XG: variants seen among roughly 807,000 people sequenced by gnomAD.
The protein encoded by XG is Xg glycoprotein (Xg blood group).
XG carries 24 observed loss-of-function variants against 25.7 expected under a neutral mutation model. The observed-to-expected ratio is 0.93, with a 90% CI of 0.68 to 1.31. XG has a LOEUF of 1.31. XG is among the 40% of genes most tolerant of loss of function. The pLI is 0.00. For missense variants in XG, 181 were observed against 187.6 expected, an observed-to-expected ratio of 0.96 and a Z score of 0.21; for synonymous variants, 77 against 69.2, an observed-to-expected ratio of 1.11 and a Z score of -0.56.
At chrX:2,776,152 A>C (rs2050985179) in intron 3 of XG, among the ~76,000 whole-genome samples, 2 of 152,042 alleles carry the variant, frequency 1.3e-5, no homozygotes, top group African/African-American at 4.8e-5. Context: ...GAGACAAATT[A>C]AGAGTCCTTT....
At chrX:2,801,647 C>T (rs111704513) in intron 7 of XG, among the ~76,000 whole-genome samples, 27 of 111,869 alleles carry the variant, frequency 2.4e-4, no homozygotes, top group Non-Finnish European at 2.8e-4. Context: ...TAGTTCCTGC[C>T]GGCATTCACC....
chrX:2,760,579 C>CAAA (rs1164434566), intron 1 of XG, among the ~76,000 whole-genome samples: 2 of 116,878 alleles, frequency 1.7e-5, no homozygotes, highest in Non-Finnish European at 1.9e-5. Context: ...ACTAAAAATA[C>CAAA]AAAAAAAAAA....
chrX:2,782,055 T>TAGA lies in XG; in HGVS notation c.128-11_128-10insAGA. ...TTCTTTTCTAACAGTGCAATGTTGT[T>TAGA]TCCTCCACAGATATCTACCCAAAGC... On this transcript the variant is annotated splice_polypyrimidine_tract_variant and intron_variant, in intron 3 of 10. Transcript: ENST00000644266. 3 of 1,209,961 alleles carry TAGA rather than the reference T, an allele frequency of 2.5e-6. No individual in the cohort carries two copies. The highest frequency in any genetic ancestry group is 3.4e-6 in the Non-Finnish European group (3 of 894,085).
rs181984865 is a variant in XG, at chrX:2,787,809, G to A, written c.191-1835G>A. ...GTAATCCCAGCTACTTGGGAGGCTG[G>A]GGCCAGAGAATCGCTTGAACCCAGG... is the stretch of plus-strand genomic sequence containing the variant. On this transcript the variant is annotated intron_variant, in intron 4 of 10. Transcript: ENST00000644266. Among the ~76,000 whole-genome samples, 464 of 109,794 alleles carry A rather than the reference G, an allele frequency of 4.2e-3. 2 individuals are homozygous for A. Among genetic ancestry groups the A allele is most frequent in the African/African-American group, 0.015 (439 of 30,120 alleles).
At chrX:2,790,876 C>T (rs2086831143) in intron 5 of XG, among the ~76,000 whole-genome samples, 1 of 111,878 alleles carries the variant, frequency 8.9e-6, no homozygotes, top group South Asian at 3.8e-4. Context: ...GGTGAAAGAC[C>T]AATTGCTTTT....
chrX:2,757,366 G>C (rs1156348485), intron 1 of XG, among the ~76,000 whole-genome samples: 2 of 151,600 alleles, frequency 1.3e-5, no homozygotes, highest in Non-Finnish European at 2.9e-5. Flanking sequence ...TTTCCATTTA[G>C]GACTACAGGT....
At chrX:2,786,531 ATGCTGGGATTACAGG>A (rs2086786431) in intron 4 of XG, among the ~76,000 whole-genome samples, 1 of 109,727 alleles carries the variant, frequency 9.1e-6, no homozygotes, top group Admixed American at 9.9e-5. Flanking sequence ...GCCTCCCAAA[ATGCTGGGATTACAGG>A]TGTGAGCCAC....
intron 5 of XG, among the ~76,000 whole-genome samples, chrX:2,790,566 G>A (rs1395507734): frequency 9.0e-6 from 1 of 110,671 alleles, no homozygotes; most frequent in Non-Finnish European, 1.9e-5. Context: ...GGAGGCCGAG[G>A]TCTCCTCAGG....
chrX:2,795,628 GT>G (rs2147077749), intron 6 of XG, among the ~76,000 whole-genome samples: 1 of 109,920 alleles, frequency 9.1e-6, no homozygotes, highest in East Asian at 2.8e-4. Flanking sequence ...GTATATAAAT[GT>G]CTTTAAATAT....
intron 3 of XG, among the ~76,000 whole-genome samples, chrX:2,781,051 A>G (rs1231483127): frequency 2.6e-5 from 4 of 151,876 alleles, no homozygotes; most frequent in East Asian, 3.9e-4. Flanking sequence ...TTGGAAACTG[A>G]GAGTGGAAGT....
chrX:2,769,706 C>T (rs988190408), intron 1 of XG, among the ~76,000 whole-genome samples: 8 of 152,058 alleles, frequency 5.3e-5, no homozygotes, highest in African/African-American at 1.9e-4. Context: ...ATGATGTGTC[C>T]CAAAGATGTG....
chrX:2,783,383 A>C (rs1188492032), intron 4 of XG, among the ~76,000 whole-genome samples: 1 of 107,516 alleles, frequency 9.3e-6, no homozygotes, highest in Admixed American at 1.0e-4. Flanking sequence ...GAGAAAGAGA[A>C]AGAGAAAAGA....
intron 7 of XG, among the ~76,000 whole-genome samples, chrX:2,800,861 C>T (rs952567657): frequency 9.2e-5 from 10 of 108,433 alleles, no homozygotes; most frequent in South Asian, 8.3e-4. Context: ...TGGAAGTGTG[C>T]GCCTGTGGTC....
chrX:2,754,347 G>T (rs2050390885), intron 1 of XG, among the ~76,000 whole-genome samples: 1 of 152,108 alleles, frequency 6.6e-6, no homozygotes, highest in African/African-American at 2.4e-5. Flanking sequence ...CGATCCTCCT[G>T]CCTTGGCCTC....
chrX:2,812,920 G>A (rs1263186799), intron 10 of XG, among the ~76,000 whole-genome samples: 1 of 111,761 alleles, frequency 8.9e-6, no homozygotes, highest in Admixed American at 9.5e-5. Context: ...AAATGTAAGG[G>A]CGGGGTACAG....
intron 1 of XG, among the ~76,000 whole-genome samples, chrX:2,757,865 A>C (rs1202762790): frequency 6.7e-6 from 1 of 149,554 alleles, no homozygotes; most frequent in African/African-American, 2.5e-5. Flanking sequence ...CCAGCTATTC[A>C]GGAGGCTGAG....
intron 7 of XG, among the ~76,000 whole-genome samples, chrX:2,801,950 G>A (rs113692154): frequency 0.013 from 1,414 of 110,420 alleles, 22 homozygotes; most frequent in African/African-American, 0.041. Context: ...CTCGTGATCC[G>A]CCCGCCTCGG....
intron 4 of XG, among the ~76,000 whole-genome samples, chrX:2,787,956 G>T (rs1246514655): frequency 2.8e-5 from 3 of 105,501 alleles, no homozygotes; most frequent in Non-Finnish European, 3.9e-5. Flanking sequence ...GGTGGTCCAT[G>T]CCTGTAGTCC....
chrX:2,753,953 G>T (rs968879084), intron 1 of XG, among the ~76,000 whole-genome samples: 48 of 152,176 alleles, frequency 3.2e-4, no homozygotes, highest in African/African-American at 1.2e-3. Context: ...TCATTATAAA[G>T]TTGACTGTGT....
Sources: allele counts gnomAD v4.1 joint callset (sites outside exome capture counted in the v4.1 genomes callset), GRCh38; gene constraint gnomAD v4.1.1; transcripts MANE v1.5; gene names NCBI Gene and HGNC (gene_info 2026-07-23, HGNC 2026-07-21).